Variants in ADAMTS7 observed in about 807,000 individuals in gnomAD.
ADAMTS7 encodes ADAM metallopeptidase with thrombospondin type 1 motif 7.
A neutral mutation model predicts 172.6 loss-of-function variants in ADAMTS7; 89 were observed. The ratio of observed to expected loss-of-function variants is 0.52; its 90% CI spans 0.43 to 0.61. The LOEUF (loss-of-function observed/expected upper bound fraction) is 0.61. ADAMTS7 is among the 20% of genes least tolerant of loss of function. The probability of loss-of-function intolerance (pLI) is 0.00; values close to 1 mark genes in which losing one functional copy is unlikely to be tolerated. For synonymous variants in ADAMTS7, 885 were observed against 978.4 expected (o/e 0.90, Z 1.78); for missense variants, 1,973 against 2,355.6 (o/e 0.84, Z 3.36).
At chr15:78,769,805 C>G (rs1472365893) in intron 16 of ADAMTS7, among the ~76,000 whole-genome samples, 4 of 152,260 alleles carry the variant, frequency 2.6e-5, no homozygotes, top group Non-Finnish European at 4.4e-5. Context: ...TGCTGAAAGA[C>G]AGTTCCCCAA....
chr15:78,768,995 G>A (rs1256399238), intron 16 of ADAMTS7, among the ~76,000 whole-genome samples: 1 of 152,208 alleles, frequency 6.6e-6, no homozygotes, highest in Non-Finnish European at 1.5e-5. Context: ...TCATTGAAGA[G>A]CTCGTGGCTG....
At chr15:78,789,383 G>A (rs949272645) in intron 7 of ADAMTS7, among the ~76,000 whole-genome samples, 3 of 152,230 alleles carry the variant, frequency 2.0e-5, no homozygotes, top group African/African-American at 7.2e-5. Flanking sequence ...ACAGCACTGA[G>A]GGCAATGGGG....
intron 2 of ADAMTS7, among the ~76,000 whole-genome samples, chr15:78,798,362 G>C (rs1207264991): frequency 6.6e-6 from 1 of 152,152 alleles, no homozygotes; most frequent in African/African-American, 2.4e-5. Context: ...CCGCCCCTGG[G>C]GATGCTGCCC....
At position 78,765,021 on chromosome 15, in the gene ADAMTS7, G is replaced by A. The variant is rs535435902; in HGVS notation, c.4267-314C>T. 421 of 301,284 alleles carry A rather than the reference G, an allele frequency of 1.4e-3. 1 individual carries two copies. The highest frequency in any genetic ancestry group is 5.9e-3 in the South Asian group (54 of 9,092). The allele number at this position is 301,284 out of a possible 1,614,324, so 18.7% of individuals were successfully genotyped here. On this transcript the variant is annotated intron_variant, in intron 19 of 23. Coordinates refer to ENST00000388820, the MANE Select transcript of ADAMTS7 (RefSeq NM_014272.5). ...CCGACCAGCTATCTTGACCAGCCTC[G>A]TCGCTTCCCAGAGGCACCAGGGAAG...
intron 2 of ADAMTS7, among the ~76,000 whole-genome samples, chr15:78,798,614 C>G (rs1202373569): frequency 6.6e-6 from 1 of 152,210 alleles, no homozygotes; most frequent in Non-Finnish European, 1.5e-5. Context: ...CACAGCCACA[C>G]CCGAGCGGAG....
At chr15:78,767,728 T>G in intron 17 of ADAMTS7, 136 bp from the exon 18 acceptor site, 1 of 805,422 alleles carries the variant, frequency 1.2e-6, no homozygotes, top group Non-Finnish European at 1.9e-6. Flanking sequence ...TGGTTGATTC[T>G]CCAGAGCTCC....
In ADAMTS7 at chr15:78,788,712, C is replaced by G. The variant is rs190394842; in HGVS notation, c.1179-338G>C. On this transcript the variant is annotated intron_variant, in intron 7 of 23. Transcript: ENST00000388820. ...GCCCGTGATGGCCCCTGCAAGCTCACTGGCCTCAAGAACAGTCTGACAGCG... is the reference window on the plus strand; with the variant it reads ...GCCCGTGATGGCCCCTGCAAGCTCAGTGGCCTCAAGAACAGTCTGACAGCG... Among the ~76,000 whole-genome samples, 222 of 152,380 alleles carry G rather than the reference C, an allele frequency of 1.5e-3. 2 individuals carry two copies. Among genetic ancestry groups the G allele is most frequent in the African/African-American group, 5.2e-3 (216 of 41,600 alleles).
At chr15:78,790,185 G>A (rs1300094796) in intron 6 of ADAMTS7, among the ~76,000 whole-genome samples, 1 of 152,206 alleles carries the variant, frequency 6.6e-6, no homozygotes, top group South Asian at 2.1e-4. Flanking sequence ...GAAGGTGGCT[G>A]TGACTATAAA....
chr15:78,778,616 C>T lies in ADAMTS7; in HGVS notation c.1323-1028G>A, dbSNP rs1024070236. Among the ~76,000 whole-genome samples the T allele has an allele frequency of 5.8e-4, 88 of 152,258 alleles. 1 individual carries two copies. The highest frequency in any genetic ancestry group is 2.1e-3 in the African/African-American group (86 of 41,542). ...CACAGACTTGCAGGGCTGGGGACGA[C>T]CCAGGCAGCCACGACTTGGGCAGAA... On this transcript the variant is annotated intron_variant, in intron 8 of 23. Transcript: ENST00000388820.
intron 8 of ADAMTS7, among the ~76,000 whole-genome samples, chr15:78,781,096 A>T (rs992094928): frequency 6.6e-6 from 1 of 152,210 alleles, no homozygotes; most frequent in African/African-American, 2.4e-5. Context: ...TATATGCAGG[A>T]AGCCAAAGGG....
In ADAMTS7 at chr15:78,767,487, G is replaced by C; in HGVS notation, c.2751C>G (p.Ser917Arg). 6.2e-7 allele frequency: 1 copy of C among 1,610,602 alleles called. No individual in the cohort carries two copies. Among genetic ancestry groups the C allele is most frequent in the Non-Finnish European group, 8.5e-7 (1 of 1,179,442 alleles). ...CIRSVGLDEQ[S>R]ALEPPACEHL... Reference sequence around the variant, plus strand: ...GTTCACAGGCGGGTGGCTCCAGGGCGCTCTGCTCATCCAGCCCCACGCTGC... The same window carrying C: ...GTTCACAGGCGGGTGGCTCCAGGGCCCTCTGCTCATCCAGCCCCACGCTGC... The change falls in exon 18 of 24, where the codon AGC (serine) becomes AGG (arginine). Residue 917 changes from serine to arginine, a missense_variant. Physicochemically the swap from Ser to Arg is moderately radical, Grantham distance 110. Transcript: ENST00000388820.
At chr15:78,797,144 A>G (rs2055656184) in intron 3 of ADAMTS7, among the ~76,000 whole-genome samples, 1 of 152,132 alleles carries the variant, frequency 6.6e-6, no homozygotes, top group Non-Finnish European at 1.5e-5. Context: ...TCCCCGTGTC[A>G]CTTCCTCCCA....
chr15:78,803,780 A>G (rs548956746), intron 1 of ADAMTS7, among the ~76,000 whole-genome samples: 5 of 152,344 alleles, frequency 3.3e-5, no homozygotes, highest in Admixed American at 6.5e-5. Context: ...GTAGTGATGA[A>G]CGTAAACCTT....
In ADAMTS7 at chr15:78,764,022, C is replaced by G. The variant is rs754182510; in HGVS notation, c.4497G>C (p.Arg1499=). 17 of 1,541,028 alleles carry G rather than the reference C, an allele frequency of 1.1e-5. No homozygotes were observed. Among genetic ancestry groups the G allele is most frequent in the African/African-American group, 2.7e-5 (2 of 73,160 alleles). The change falls in exon 21 of 24, where the codon CGG becomes CGC. Residue 1499 remains arginine, a synonymous_variant. Coordinates refer to ENST00000388820, the MANE Select transcript of ADAMTS7 (RefSeq NM_014272.5). ...CVDTRDLRPL[R]PFHCQPGPAK... is the part of the protein sequence containing the mutation. ...CAGGCCCGGGCTGACAATGGAAGGG[C>G]CGCAGTGGCCGGAGGTCCCGTGTGT...
At chr15:78,775,008 C>T (rs1198656034) in intron 11 of ADAMTS7, among the ~76,000 whole-genome samples, 6 of 152,216 alleles carry the variant, frequency 3.9e-5, no homozygotes, top group Non-Finnish European at 8.8e-5. Context: ...CAGCAGGAAG[C>T]CTGAGCTCTG....
chr15:78,810,968 T>A, intron 1 of ADAMTS7, 153 bp downstream of exon 1: 1 of 839,548 alleles, frequency 1.2e-6, no homozygotes, highest in Non-Finnish European at 1.6e-6. Flanking sequence ...CCCCGACTAC[T>A]GTCCCCTAAT....
chr15:78,770,912 G>C, intron 16 of ADAMTS7: 1 of 541,748 alleles, frequency 1.8e-6, no homozygotes, highest in Non-Finnish European at 3.3e-6. Flanking sequence ...CCTGGAGGGA[G>C]AACGCCAAGA....
At position 78,776,316 on chromosome 15, in the gene ADAMTS7, C is replaced by G; in HGVS notation, c.1578G>C (p.Glu526Asp). ...CGGGCCGGAAGCCCACGGGTACGCA[C>G]TCCCCACTGAGACACCACTACTGAG... ...CGENKWCLSGECVPVGFRPEA... is the reference protein window; with the variant it reads ...CGENKWCLSGDCVPVGFRPEA... Residue 526 changes from glutamate (E) to aspartate (D), a missense_variant, in exon 11 of 24, where the codon GAG becomes GAC. By Grantham distance (45) the Glu-to-Asp change is conservative. Around this residue, in one of 8 missense-constraint regions of ADAMTS7, gnomAD observed 526 missense variants for 662.9 expected, o/e 0.79. Transcript: ENST00000388820. 1 of 1,611,696 alleles carries G rather than the reference C, an allele frequency of 6.2e-7. No homozygotes were observed. The highest frequency in any genetic ancestry group is 8.5e-7 in the Non-Finnish European group (1 of 1,179,734).
At chr15:78,780,745 G>T in intron 8 of ADAMTS7, among the ~76,000 whole-genome samples, 1 of 152,190 alleles carries the variant, frequency 6.6e-6, no homozygotes, top group Middle Eastern at 3.2e-3. Context: ...CCTCTGCCCA[G>T]CCTGCCCTCC....
Sources: allele counts gnomAD v4.1 joint callset (sites outside exome capture counted in the v4.1 genomes callset), GRCh38; gene constraint gnomAD v4.1.1; regional missense constraint gnomAD v4.1.1; transcripts MANE v1.5; gene names NCBI Gene and HGNC (gene_info 2026-07-23, HGNC 2026-07-21).